UVRAG: variants seen among roughly 807,000 people sequenced by gnomAD.
UVRAG encodes UV radiation resistance-associated gene protein.
Under a neutral mutation model 78.0 loss-of-function variants are expected in UVRAG, and 19 were observed. That is an observed-to-expected ratio of 0.24 (90% CI 0.17 to 0.36). The LOEUF (loss-of-function observed/expected upper bound fraction) is 0.36. Ranked by LOEUF, UVRAG falls within the 10% of genes least tolerant of loss-of-function variation. The probability of loss-of-function intolerance (pLI) is 1.00; values close to 1 mark genes in which losing one functional copy is unlikely to be tolerated. For synonymous variants in UVRAG, 323 were observed against 324.6 expected, an observed-to-expected ratio of 1.00 and a Z score of 0.05; for missense variants, 740 against 853.8, an observed-to-expected ratio of 0.87 and a Z score of 1.66.
intron 11 of UVRAG, among the ~76,000 whole-genome samples, chr11:76,013,934 A>G (rs1950099809): frequency 6.6e-6 from 1 of 152,252 alleles, no homozygotes; most frequent in South Asian, 2.1e-4. Context: ...ATGGCCTGGA[A>G]TGGGAAACCT....
intron 13 of UVRAG, among the ~76,000 whole-genome samples, chr11:76,082,560 C>A (rs1008345837): frequency 3.6e-3 from 327 of 91,336 alleles, no homozygotes; most frequent in African/African-American, 9.1e-3. Context: ...AAAAAAAAAA[C>A]ATAGGTAACA....
intron 14 of UVRAG, among the ~76,000 whole-genome samples, chr11:76,125,218 G>A (rs1471857150): frequency 5.3e-5 from 8 of 152,248 alleles, no homozygotes; most frequent in African/African-American, 9.6e-5. Flanking sequence ...AGATAGGCTC[G>A]CCTTTGAGAG....
chr11:75,914,046 C>T (rs544879817), intron 6 of UVRAG, among the ~76,000 whole-genome samples: 2 of 152,282 alleles, frequency 1.3e-5, no homozygotes, highest in South Asian at 2.1e-4. Context: ...AACCAGATCA[C>T]GTGACTATTT....
At chr11:76,124,464 A>C (rs1952348899) in intron 14 of UVRAG, among the ~76,000 whole-genome samples, 1 of 152,216 alleles carries the variant, frequency 6.6e-6, no homozygotes, top group Non-Finnish European at 1.5e-5. Context: ...GCCCATCATT[A>C]GTGTGTAGTC....
chr11:76,010,898 G>T (rs1401861515), intron 11 of UVRAG, among the ~76,000 whole-genome samples: 2 of 152,124 alleles, frequency 1.3e-5, no homozygotes, highest in Non-Finnish European at 1.5e-5. Context: ...TATTCTCGAG[G>T]AAGTAGGAAA....
chr11:76,004,581 C>CT (rs1377177605), intron 9 of UVRAG, among the ~76,000 whole-genome samples: 1 of 149,924 alleles, frequency 6.7e-6, no homozygotes, highest in Non-Finnish European at 1.5e-5. Context: ...TTTTTATCTT[C>CT]TTTTTTTAAT....
chr11:75,918,134 A>T (rs1253760559), intron 6 of UVRAG, among the ~76,000 whole-genome samples: 3 of 151,346 alleles, frequency 2.0e-5, no homozygotes, highest in Non-Finnish European at 4.4e-5. Context: ...TGGGAGGCCG[A>T]GACGGGCAGA....
chr11:76,055,991 G>C (rs1950977353), intron 12 of UVRAG, among the ~76,000 whole-genome samples: 1 of 152,336 alleles, frequency 6.6e-6, no homozygotes, highest in South Asian at 2.1e-4. Flanking sequence ...TTACAGGCGT[G>C]AGCCACTGTG....
intron 3 of UVRAG, among the ~76,000 whole-genome samples, chr11:75,877,213 G>A (rs1426604981): frequency 2.6e-5 from 4 of 152,154 alleles, no homozygotes; most frequent in African/African-American, 9.7e-5. Flanking sequence ...ATTTTTCTTA[G>A]TACAGAACAA....
rs1184466276 is a variant in UVRAG at position 76,022,430 on chromosome 11, A to AT, written c.1226+5450_1226+5451insT. 1.4e-3 allele frequency among the ~76,000 whole-genome samples: 213 copies of AT among 152,116 alleles called. 3 individuals carry two copies. The East Asian group carries it at 0.032, about 23-fold the overall frequency. On this transcript the variant is annotated intron_variant, in intron 12 of 14. Coordinates refer to ENST00000356136, the MANE Select transcript of UVRAG (RefSeq NM_003369.4). ...TGTAAAACTGTATATTTCTCCTTTC[A>AT]ATTCTGTCAACATTTGCTTCATATA... is the stretch of plus-strand genomic sequence containing the variant.
Position 76,141,514 on chromosome 11 carries a change from T to A in UVRAG, c.*101T>A. ...GATAATGATGACACAAAATGAATAT[T>A]AATGGAGGATATTCCTCGGAAAAAC... On this transcript the variant is annotated 3_prime_UTR_variant, in exon 15 of 15. Coordinates refer to ENST00000356136, the MANE Select transcript of UVRAG (RefSeq NM_003369.4). 1 of 1,157,344 alleles carries A rather than the reference T, an allele frequency of 8.6e-7. No homozygotes were observed. The highest frequency in any genetic ancestry group is 1.2e-6 in the Non-Finnish European group (1 of 828,742). 71.7% of individuals were successfully genotyped at this position (1,157,344 alleles called of 1,614,324 possible). A position where few individuals can be genotyped will look rare whatever the true frequency, so the allele number is the denominator to read the frequency against.
chr11:75,818,459 C>T lies in UVRAG; in HGVS notation c.117+2935C>T, dbSNP rs1023304597. ...CAAAACCATACATTTTAATACATCC[C>T]GTACTAGTTGGCAAGGTATCAATTT... On this transcript the variant is annotated intron_variant, in intron 1 of 14. Transcript: ENST00000356136. 4.6e-5 allele frequency among the ~76,000 whole-genome samples: 7 copies of T among 151,638 alleles called. 1 individual carries two copies. Among genetic ancestry groups the T allele is most frequent in the East Asian group, 3.9e-4 (2 of 5,170 alleles).
rs1054159366 is a variant in UVRAG, at chr11:76,088,211, A to G, written c.1305+22423A>G. Among the ~76,000 whole-genome samples the G allele has an allele frequency of 3.3e-5, 5 of 152,188 alleles. No individual in the cohort carries two copies. The East Asian group carries it at 7.7e-4, about 23-fold the overall frequency. ...TGTGAAAATTCATAAGCCAGTAATG[A>G]CATCAGTGATACCATTATAGCGCCC... On this transcript the variant is annotated intron_variant, in intron 13 of 14. Transcript: ENST00000356136.
chr11:76,109,895 TC>T (rs1565164823), intron 13 of UVRAG, among the ~76,000 whole-genome samples: 1 of 152,208 alleles, frequency 6.6e-6, no homozygotes, highest in Non-Finnish European at 1.5e-5. Context: ...TTTCACCAGG[TC>T]CCCTGACCAC....
At chr11:75,932,012 C>T (rs1383709511) in intron 6 of UVRAG, among the ~76,000 whole-genome samples, 1 of 150,786 alleles carries the variant, frequency 6.6e-6, no homozygotes, top group Non-Finnish European at 1.5e-5. Flanking sequence ...GTCCAGTGGT[C>T]CAATGGATGG....
intron 13 of UVRAG, among the ~76,000 whole-genome samples, chr11:76,094,888 A>G (rs1951762466): frequency 6.6e-6 from 1 of 152,144 alleles, no homozygotes; most frequent in South Asian, 2.1e-4. Flanking sequence ...ATTAGGGAAC[A>G]CCTGACATCA....
rs548572611 is a variant in UVRAG, at chr11:76,018,533, C to T, written c.1226+1553C>T. On this transcript the variant is annotated intron_variant, in intron 12 of 14. Transcript: ENST00000356136. ...CAACAATTCTCCTGCCTCAGCCTCC[C>T]GAGTAGCTGGGAATACAGGCACGCA... 2.0e-4 allele frequency among the ~76,000 whole-genome samples: 31 copies of T among 152,104 alleles called. No individual in the cohort carries two copies. In the East Asian group the frequency reaches 2.5e-3, roughly 12 times the overall value.
intron 8 of UVRAG, among the ~76,000 whole-genome samples, chr11:75,988,883 A>G (rs1049094446): frequency 1.3e-5 from 2 of 152,072 alleles, no homozygotes; most frequent in Admixed American, 6.5e-5. Context: ...GTCTGTTTAG[A>G]TCTTTCATCT....
intron 3 of UVRAG, among the ~76,000 whole-genome samples, chr11:75,878,882 CGGGACA>C (rs530782453): frequency 0.056 from 4,075 of 72,822 alleles, 87 homozygotes; most frequent in Middle Eastern, 0.12. Flanking sequence ...CGTGGGGAGA[CGGGACA>C]GGGACAGGGA....
Sources: allele counts gnomAD v4.1 joint callset (sites outside exome capture counted in the v4.1 genomes callset), GRCh38; gene constraint gnomAD v4.1.1; transcripts MANE v1.5; gene names NCBI Gene and HGNC (gene_info 2026-07-23, HGNC 2026-07-21).